PRDM16: variants seen among roughly 807,000 people sequenced by gnomAD.
PRDM16 encodes the protein PR/SET domain 16.
In PRDM16, 23 loss-of-function variants were observed where a neutral mutation model predicts 110.6. That is an observed-to-expected ratio of 0.21 (90% CI 0.15 to 0.29). The LOEUF (loss-of-function observed/expected upper bound fraction) is 0.29, where lower values mean the gene tolerates loss of function less well. Ranked by LOEUF, PRDM16 falls within the 10% of genes least tolerant of loss-of-function variation. PRDM16 has a pLI of 1.00. For synonymous variants in PRDM16, 799 were observed against 781.8 expected (o/e 1.02, Z -0.37); for missense variants, 1,615 against 1,794.3 (o/e 0.90, Z 1.81).
rs76102638 is a variant in PRDM16 at position 3,179,340 on chromosome 1, G to A, written c.38-6785G>A. Among the ~76,000 whole-genome samples, 537 of 152,350 alleles carry A rather than the reference G, an allele frequency of 3.5e-3. 2 individuals carry two copies. Among genetic ancestry groups the A allele is most frequent in the African/African-American group, 0.012 (498 of 41,588 alleles). On this transcript the variant is annotated intron_variant, in intron 1 of 16. Coordinates refer to ENST00000270722, the MANE Select transcript of PRDM16 (RefSeq NM_022114.4). ...TCAGGGGCAGGGAGCGTGGACTCAG[G>A]AGTGGGTGTGGTTCCAGCCCTCAGC... is the stretch of plus-strand genomic sequence containing the variant.
intron 1 of PRDM16, among the ~76,000 whole-genome samples, chr1:3,083,500 C>T (rs1327348492): frequency 6.6e-6 from 1 of 152,182 alleles, no homozygotes; most frequent in Non-Finnish European, 1.5e-5. Context: ...ACAGCCTGGG[C>T]TTCTTCATCA....
rs948580957 is a variant in PRDM16, at chr1:3,394,309, GGCTCGGAGGC to G, written c.574-2171_574-2162del. On this transcript the variant is annotated intron_variant, in intron 4 of 16. Coordinates refer to ENST00000270722, the MANE Select transcript of PRDM16 (RefSeq NM_022114.4). ...TGGGGTTGGGGTGTGGATCCCGGGA[GGCTCGGAGGC>G]GCTCGGAGGCTCTCGGAGGGGGCCA... is the stretch of plus-strand genomic sequence containing the variant. Among the ~76,000 whole-genome samples, 16 of 151,946 alleles carry G rather than the reference GGCTCGGAGGC, an allele frequency of 1.1e-4. No homozygotes were observed. The East Asian group carries it at 2.2e-3, about 20-fold the overall frequency.
intron 1 of PRDM16, among the ~76,000 whole-genome samples, chr1:3,125,505 G>A (rs555648689): frequency 4.9e-4 from 74 of 152,382 alleles, no homozygotes; most frequent in Non-Finnish European, 8.7e-4. Context: ...CAGAGTCGCC[G>A]GCTCAGCGGG....
rs1557553993 is a variant in PRDM16, at chr1:3,244,433, A to G, written c.438+296A>G. ...AGCCCTGTACCTGTGGGAAAGCTTC[A>G]GGCCACGCAGACAGGAAAATTAAAT... On this transcript the variant is annotated intron_variant, in intron 3 of 16. Transcript: ENST00000270722. The surrounding 1 kb of genome is among the most constrained non-coding windows in gnomAD (Gnocchi z 4.1). Among the ~76,000 whole-genome samples, 1 of 152,124 alleles carries G rather than the reference A, an allele frequency of 6.6e-6. No homozygotes were observed. Among genetic ancestry groups the G allele is most frequent in the Non-Finnish European group, 1.5e-5 (1 of 68,028 alleles).
chr1:3,180,216 C>G (rs781182751), intron 1 of PRDM16, among the ~76,000 whole-genome samples: 3 of 150,958 alleles, frequency 2.0e-5, no homozygotes, highest in Admixed American at 6.6e-5. Context: ...AGCAGCTCCT[C>G]CCACCCCCCA....
chr1:3,355,815 C>T (rs1642584832), intron 3 of PRDM16, among the ~76,000 whole-genome samples: 1 of 152,210 alleles, frequency 6.6e-6, no homozygotes. Flanking sequence ...GTACACAAGG[C>T]TGCTGGCTCA....
At chr1:3,306,997 C>A (rs952088061) in intron 3 of PRDM16, 2 of 152,350 alleles carry the variant, frequency 1.3e-5, no homozygotes, top group African/African-American at 4.8e-5. Flanking sequence ...CACTTTGTGG[C>A]CTGTGCCGCT....
In PRDM16 at chr1:3,359,210, G is replaced by T. The variant is rs1642668020; in HGVS notation, c.439-25942G>T. On this transcript the variant is annotated intron_variant, in intron 3 of 16. Coordinates refer to ENST00000270722, the MANE Select transcript of PRDM16 (RefSeq NM_022114.4). This position sits in a 1 kb window ranked among gnomAD's most constrained non-coding sequence, Gnocchi z 4.3. ...AGGTGCCACCGTGCCTAGTTAATAT[G>T]TCCATTTTGTGTTGACTTGGGGTCT... 6.6e-6 allele frequency among the ~76,000 whole-genome samples: 1 copy of T among 152,024 alleles called. No homozygotes were observed. Among genetic ancestry groups the T allele is most frequent in the South Asian group, 2.1e-4 (1 of 4,818 alleles).
At chr1:3,351,045 G>A (rs902567952) in intron 3 of PRDM16, among the ~76,000 whole-genome samples, 23 of 152,218 alleles carry the variant, frequency 1.5e-4, no homozygotes, top group Admixed American at 1.4e-3. Context: ...TCTGGGCAGG[G>A]GCACAGACAG....
intron 1 of PRDM16, among the ~76,000 whole-genome samples, chr1:3,179,774 A>G (rs762613604): frequency 1.3e-5 from 2 of 152,162 alleles, no homozygotes; most frequent in Non-Finnish European, 2.9e-5. Flanking sequence ...AGGGTGTGGA[A>G]GATTCCAAGG....
At chr1:3,095,223 T>C (rs1642369328) in intron 1 of PRDM16, among the ~76,000 whole-genome samples, 1 of 152,218 alleles carries the variant, frequency 6.6e-6, no homozygotes, top group Non-Finnish European at 1.5e-5. Flanking sequence ...ATGCTGGCAC[T>C]TGGTGACCAG....
At chr1:3,282,204 G>A (rs1476648203) in intron 3 of PRDM16, among the ~76,000 whole-genome samples, 1 of 152,234 alleles carries the variant, frequency 6.6e-6, no homozygotes, top group Non-Finnish European at 1.5e-5. Context: ...AGAGGCATGT[G>A]CTCAGGGAGG....
chr1:3,116,756 G>A (rs1180179786), intron 1 of PRDM16, among the ~76,000 whole-genome samples: 1 of 152,220 alleles, frequency 6.6e-6, no homozygotes, highest in Non-Finnish European at 1.5e-5. Flanking sequence ...CAGCCCTGAA[G>A]CCCTCACCCC....
At position 3,186,439 on chromosome 1, in the gene PRDM16, C is replaced by T. The variant is rs777345264; in HGVS notation, c.352C>T (p.Arg118Trp). ...GCTGGGCCCCTGCGTGGTGGTGCCC[C>T]GGGCGGCGGCAAAGGAGACAGACTT... ...ERLGPCVVVP[R>W]AAAKETDFGW... The change falls in exon 2 of 17, where the codon CGG becomes TGG. Residue 118 changes from arginine to tryptophan, a missense_variant. Arg to Trp is a moderately radical substitution (Grantham distance 101). Transcript: ENST00000270722. 1.3e-5 allele frequency: 20 copies of T among 1,554,870 alleles called. No individual in the cohort carries two copies. The highest frequency in any genetic ancestry group is 2.4e-5 in the South Asian group (2 of 82,178).
intron 3 of PRDM16, among the ~76,000 whole-genome samples, chr1:3,318,610 A>G (rs752379405): frequency 5.3e-5 from 8 of 152,210 alleles, no homozygotes; most frequent in Admixed American, 2.0e-4. Flanking sequence ...CTATGTATCT[A>G]TCAATTATCT....
chr1:3,145,359 G>A (rs941376003), intron 1 of PRDM16, among the ~76,000 whole-genome samples: 3 of 152,208 alleles, frequency 2.0e-5, no homozygotes, highest in Non-Finnish European at 2.9e-5. Context: ...TGGGCCCTGA[G>A]CCCACTGGCC....
At chr1:3,114,553 CG>C (rs1557457351) in intron 1 of PRDM16, among the ~76,000 whole-genome samples, 2 of 151,672 alleles carry the variant, frequency 1.3e-5, no homozygotes, top group Non-Finnish European at 2.9e-5. Flanking sequence ...AACACACACA[CG>C]TGCACAAACA....
intron 3 of PRDM16, among the ~76,000 whole-genome samples, chr1:3,372,028 G>A (rs905757782): frequency 2.0e-5 from 3 of 152,212 alleles, no homozygotes; most frequent in African/African-American, 7.2e-5. Flanking sequence ...AAATGTGTCT[G>A]GTCCTCCTAA....
At position 3,431,956 on chromosome 1, in the gene PRDM16, A is replaced by T. The variant is rs1047255164; in HGVS notation, c.3522-10A>T. The T allele has an allele frequency of 6.2e-7, 1 of 1,608,882 alleles. No individual in the cohort carries two copies. Among genetic ancestry groups the T allele is most frequent in the African/African-American group, 1.3e-5 (1 of 74,936 alleles). On this transcript the variant is annotated splice_polypyrimidine_tract_variant and intron_variant, in intron 15 of 16. Transcript: ENST00000270722. ...CAGCAGGCCTTCCCTCTCCCCGGTC[A>T]TTGGTGCAGGTGTGCTGAGGACCAC...
Sources: gnomAD v4.1 joint callset for allele counts (sites outside exome capture counted in the v4.1 genomes callset) on GRCh38, gnomAD v4.1.1 for gene constraint, Gnocchi (gnomAD v3.1) non-coding constraint, MANE v1.5 for transcripts, NCBI Gene and HGNC (gene_info 2026-07-23, HGNC 2026-07-21) for gene names.